ZC3H18: variants seen among roughly 807,000 people sequenced by gnomAD.
ZC3H18 encodes zinc finger CCCH-type containing 18, also known as zinc finger CCCH domain-containing protein 18.
In ZC3H18, 8 loss-of-function variants were observed where a neutral mutation model predicts 106.1. That is an observed-to-expected ratio of 0.08 (90% CI 0.04 to 0.14). ZC3H18 has a LOEUF of 0.14. Ranked by LOEUF, ZC3H18 falls within the 10% of genes least tolerant of loss-of-function variation. The pLI, the probability that ZC3H18 is intolerant of heterozygous loss-of-function variation, is 1.00. For missense variants in ZC3H18, 1,318 were observed against 1,278.4 expected, an observed-to-expected ratio of 1.03 and a Z score of -0.47; for synonymous variants, 635 against 522.1, an observed-to-expected ratio of 1.22 and a Z score of -2.95.
chr16:88,625,068 G>A, intron 12 of ZC3H18, 134 bp from the exon 13 acceptor site: 2 of 1,064,342 alleles, frequency 1.9e-6, no homozygotes, highest in East Asian at 2.6e-5. Context: ...AAGGAAGACA[G>A]GCCCAGGCCC....
intron 7 of ZC3H18, among the ~76,000 whole-genome samples, chr16:88,609,979 G>T (rs1359265604): frequency 6.6e-6 from 1 of 151,888 alleles, no homozygotes; most frequent in Non-Finnish European, 1.5e-5. Context: ...TCCCTGCTCG[G>T]GCGTGTCACT....
intron 1 of ZC3H18, chr16:88,571,519 C>A: frequency 4.6e-6 from 3 of 652,926 alleles, no homozygotes; most frequent in Non-Finnish European, 5.7e-6. Flanking sequence ...GAGTCTTTTC[C>A]TGATAATTTT....
At chr16:88,617,604 A>G (rs1905702516) in intron 8 of ZC3H18, among the ~76,000 whole-genome samples, 2 of 152,192 alleles carry the variant, frequency 1.3e-5, no homozygotes, top group Admixed American at 6.5e-5. Context: ...GCTGTCTCCA[A>G]GCTATTCAAC....
chr16:88,598,024 C>T (rs78154628), intron 3 of ZC3H18, among the ~76,000 whole-genome samples, 154 bp from the exon 4 acceptor site: 1,584 of 152,284 alleles, frequency 0.01, 31 homozygotes, highest in African/African-American at 0.035. Context: ...AGGCTCATCC[C>T]GCCCACCTCC....
At chr16:88,595,474 CTTTTTTT>C (rs11302563) in intron 3 of ZC3H18, among the ~76,000 whole-genome samples, 29 of 133,568 alleles carry the variant, frequency 2.2e-4, no homozygotes, top group African/African-American at 6.8e-4. Flanking sequence ...TTCTTTCTTT[CTTTTTTT>C]TTTTTTTTTT....
Position 88,631,336 on chromosome 16 carries a change from T to C in ZC3H18, c.*37T>C, listed in dbSNP as rs1254305707. ...ACCGGACTGGACGCATTTTTATACA[T>C]AGGGTAAGCGCAGCCATTTTGGATT... On this transcript the variant is annotated 3_prime_UTR_variant, in exon 18 of 18. Transcript: ENST00000301011. The C allele has an allele frequency of 1.3e-6, 2 of 1,552,126 alleles. No individual in the cohort carries two copies. The highest frequency in any genetic ancestry group is 2.4e-5 in the East Asian group (1 of 40,946).
chr16:88,604,935 G>A (rs973027558), intron 6 of ZC3H18, among the ~76,000 whole-genome samples: 1 of 152,252 alleles, frequency 6.6e-6, no homozygotes, highest in African/African-American at 2.4e-5. Flanking sequence ...CTCCCCATAC[G>A]CCCCCAGCAC....
chr16:88,605,949 G>A (rs1904990887), intron 6 of ZC3H18, among the ~76,000 whole-genome samples: 1 of 152,348 alleles, frequency 6.6e-6, no homozygotes, highest in African/African-American at 2.4e-5. Context: ...TGAGTCTGAC[G>A]CTGCCCAGAC....
intron 6 of ZC3H18, among the ~76,000 whole-genome samples, chr16:88,602,996 G>C (rs1332606044): frequency 1.3e-5 from 2 of 150,610 alleles, no homozygotes; most frequent in Admixed American, 1.3e-4. Flanking sequence ...ACGGAGTCTC[G>C]CTCTGTCACC....
intron 6 of ZC3H18, among the ~76,000 whole-genome samples, chr16:88,602,721 C>T (rs1447071302): frequency 6.6e-6 from 1 of 152,190 alleles, no homozygotes; most frequent in Non-Finnish European, 1.5e-5. Context: ...CTATGTTGCT[C>T]AGGCTGGTCT....
chr16:88,617,310 G>A (rs1048653995), intron 8 of ZC3H18, among the ~76,000 whole-genome samples: 32 of 152,152 alleles, frequency 2.1e-4, no homozygotes, highest in Non-Finnish European at 4.4e-4. Context: ...GGCTGGAGAC[G>A]GAGTTGTGCC....
At chr16:88,624,837 C>A (rs1411374542) in intron 12 of ZC3H18, 92 bp downstream of exon 12, 2 of 1,473,664 alleles carry the variant, frequency 1.4e-6, no homozygotes, top group Admixed American at 5.2e-5. Context: ...GTGCCAGGGT[C>A]CAGAGCCAGG....
intron 8 of ZC3H18, among the ~76,000 whole-genome samples, chr16:88,618,576 T>A (rs1185834019): frequency 6.6e-6 from 1 of 152,240 alleles, no homozygotes; most frequent in Non-Finnish European, 1.5e-5. Context: ...CTCGTGTGGC[T>A]GCTGGCATCG....
chr16:88,582,893 C>T (rs1915217687), intron 2 of ZC3H18, among the ~76,000 whole-genome samples: 1 of 152,206 alleles, frequency 6.6e-6, no homozygotes, highest in Non-Finnish European at 1.5e-5. Flanking sequence ...TGCTGTGTAC[C>T]TCGCAGGCTA....
At chr16:88,609,106 A>G in intron 7 of ZC3H18, 55 bp downstream of exon 7, 1 of 1,419,626 alleles carries the variant, frequency 7.0e-7, no homozygotes, top group Non-Finnish European at 9.8e-7. Context: ...CATTCAAGTT[A>G]TCCCTTTTTA....
At chr16:88,575,730 T>G (rs535367297) in intron 1 of ZC3H18, among the ~76,000 whole-genome samples, 2 of 152,060 alleles carry the variant, frequency 1.3e-5, no homozygotes, top group South Asian at 4.1e-4. Context: ...TGAGTTTTTT[T>G]TGGAGATTGG....
At chr16:88,575,541 G>T (rs760690095) in intron 1 of ZC3H18, among the ~76,000 whole-genome samples, 3 of 151,846 alleles carry the variant, frequency 2.0e-5, no homozygotes, top group Non-Finnish European at 2.9e-5. Flanking sequence ...TGCCAGGCAG[G>T]TGTTGCCGTT....
At chr16:88,613,701 A>G (rs999541613) in intron 8 of ZC3H18, among the ~76,000 whole-genome samples, 1 of 152,150 alleles carries the variant, frequency 6.6e-6, no homozygotes, top group African/African-American at 2.4e-5. Context: ...ATTGAGTGGT[A>G]AGAGTCCTTT....
Position 88,623,216 on chromosome 16 carries a change from C to A in ZC3H18, c.1668-3C>A, listed in dbSNP as rs1370527158. 6.2e-7 allele frequency: 1 copy of A among 1,612,340 alleles called. No homozygotes were observed. The highest frequency in any genetic ancestry group is 1.7e-5 in the Admixed American group (1 of 59,994). On this transcript the variant is annotated splice_region_variant and splice_polypyrimidine_tract_variant and intron_variant, in intron 9 of 17. Transcript: ENST00000301011. ...TCGCCACGCTCCGTCCCGCCCGCCC[C>A]AGGTCGTCTTCGCGGTCATCGTCCT...
Sources: gnomAD v4.1 joint callset for allele counts (sites outside exome capture counted in the v4.1 genomes callset) on GRCh38, gnomAD v4.1.1 for gene constraint, MANE v1.5 for transcripts, NCBI Gene and HGNC (gene_info 2026-07-23, HGNC 2026-07-21) for gene names.